The following ZNF814 variants were observed in gnomAD, a reference collection of about 807,000 sequenced individuals.
The protein encoded by ZNF814 is zinc finger protein 814.
A neutral mutation model predicts 7.5 loss-of-function variants in ZNF814; 5 were observed. The ratio of observed to expected loss-of-function variants is 0.67; its 90% CI spans 0.35 to 1.40. The LOEUF (loss-of-function observed/expected upper bound fraction) is 1.40, where lower values mean the gene tolerates loss of function less well. Ranked by LOEUF, ZNF814 falls within the 40% of genes most tolerant of loss-of-function variation. The pLI, the probability that ZNF814 is intolerant of heterozygous loss-of-function variation, is 0.04. For missense variants in ZNF814, 962 were observed against 1,018.0 expected (o/e 0.94, Z 0.75); for synonymous variants, 315 against 340.7 (o/e 0.92, Z 0.83).
upstream of ZNF814, among the ~76,000 whole-genome samples, chr19:57,890,347 G>T (rs2071728031): frequency 6.6e-6 from 1 of 152,024 alleles, no homozygotes; most frequent in African/African-American, 2.4e-5. Context: ...TTTTGTTGTT[G>T]TTGTTGTTTA....
chr19:57,873,213 C>A lies in ZNF814; in HGVS notation c.2177G>T (p.Arg726Ile), dbSNP rs770539340. 1 of 1,611,988 alleles carries A rather than the reference C, an allele frequency of 6.2e-7. No homozygotes were observed. Among genetic ancestry groups the A allele is most frequent in the South Asian group, 1.1e-5 (1 of 90,668 alleles). Residue 726 changes from arginine (R) to isoleucine (I), a missense_variant, in exon 3 of 3, where the codon AGA becomes ATA. Physicochemically the swap from Arg to Ile is moderately conservative, Grantham distance 97 (BLOSUM62 -3). This residue lies in a region of ZNF814 where 665 missense variants were observed against 551.4 expected (regional missense o/e 1.21). Transcript: ENST00000435989. ...YACEACQKFF[R>I]NKYQLIAHQR... ...ATGTGCAATGAGTTGGTACTTGTTT[C>A]TAAAAAATTTCTGACAAGCTTCACA...
Position 57,869,590 on chromosome 19 carries a change from C to G in ZNF814, c.*3232G>C, listed in dbSNP as rs2071538553. 4 of 152,152 alleles carry G rather than the reference C, an allele frequency of 2.6e-5. No individual in the cohort carries two copies. The highest frequency in any genetic ancestry group is 1.3e-4 in the Admixed American group (2 of 15,256). The allele number at this position is 152,152 out of a possible 1,614,324, so 9.4% of individuals were successfully genotyped here. A position where few individuals can be genotyped will look rare whatever the true frequency, so the allele number is the denominator to read the frequency against. ...ATTATATGAAACTCAAGATTTATCA[C>G]ATGCTACAGCTTAAATATGCATAGC... On this transcript the variant is annotated 3_prime_UTR_variant, in exon 3 of 3. Coordinates refer to ENST00000435989, the MANE Select transcript of ZNF814 (RefSeq NM_001144989.2).
rs2071568013 is a variant in ZNF814 at position 57,872,900 on chromosome 19, AC to A, written c.2489del (p.Cys830LeufsTer83). 2 of 1,610,676 alleles carry A rather than the reference AC, an allele frequency of 1.2e-6. No individual in the cohort carries two copies. The highest frequency in any genetic ancestry group is 1.7e-6 in the Non-Finnish European group (2 of 1,179,142). ...TGTTAAATAATTTCCCACATTTCTC[AC>A]ATTTATAAGGCTTTTCTCCAGTGTG... The part of the protein sequence containing the change: ...RVHTGEKPYK[C>X]EKCGKLFNKK... On this transcript the variant is annotated frameshift_variant, in exon 3 of 3. Transcript: ENST00000435989. LOFTEE classifies it low-confidence loss of function (END_TRUNC).
At chr19:57,890,196 G>A (rs1012080348), upstream of ZNF814, among the ~76,000 whole-genome samples, 1 of 152,146 alleles carries the variant, frequency 6.6e-6, no homozygotes, top group East Asian at 1.9e-4. Context: ...TTTTCCTACT[G>A]CCCAGATAAA....
upstream of ZNF814, among the ~76,000 whole-genome samples, chr19:57,889,905 T>G (rs2071725180): frequency 6.6e-6 from 1 of 152,124 alleles, no homozygotes. Context: ...AAATAAAAGA[T>G]TGCAGATCTT....
In ZNF814 at chr19:57,873,922, T is replaced by C; in HGVS notation, c.1468A>G (p.Arg490Gly). 1 of 1,614,032 alleles carries C rather than the reference T, an allele frequency of 6.2e-7. No homozygotes were observed. Among genetic ancestry groups the C allele is most frequent in the South Asian group, 1.1e-5 (1 of 91,062 alleles). The change falls in exon 3 of 3, where the codon AGA becomes GGA. Residue 490 changes from arginine to glycine, a missense_variant. Physicochemically the swap from Arg to Gly is moderately radical, Grantham distance 125. Transcript: ENST00000435989. ...CCACATTCTCCACACTGATAAGGTC[T>C]TTCTCCACTGTGAACTCGCTGATGG... Reference protein sequence around the residue: ...VHHQRVHSGERPYQCGECGKS... With the variant: ...VHHQRVHSGEGPYQCGECGKS...
chr19:57,904,443 G>A, the ZNF814 span, among the ~76,000 whole-genome samples: 1 of 152,084 alleles, frequency 6.6e-6, no homozygotes, highest in South Asian at 2.1e-4. Context: ...CAGTGACCAG[G>A]TGTTGGGTCT....
At chr19:57,897,906 T>C in the ZNF814 span, among the ~76,000 whole-genome samples, 1 of 152,228 alleles carries the variant, frequency 6.6e-6, no homozygotes, top group African/African-American at 2.4e-5. Flanking sequence ...CAGTTGTTGC[T>C]GTTACCTTAT....
intron 1 of ZNF814, chr19:57,885,959 G>C (rs1400250840): frequency 8.3e-6 from 1 of 119,846 alleles, no homozygotes; most frequent in Non-Finnish European, 1.6e-5. Context: ...CTGGATGACA[G>C]AGTGAGACTC....
chr19:57,883,177 TGAAACCCC>T (rs1293450671), intron 1 of ZNF814, among the ~76,000 whole-genome samples: 3 of 150,442 alleles, frequency 2.0e-5, no homozygotes, highest in African/African-American at 7.4e-5. Context: ...GCTAATGGGG[TGAAACCCC>T]ATCTGTACTA....
At position 57,874,174 on chromosome 19, in the gene ZNF814, T is replaced by A; in HGVS notation, c.1216A>T (p.Lys406Ter). The change falls in exon 3 of 3, where the codon AAA becomes TAA. Residue 406 changes from lysine to a stop codon, truncating the protein, a stop_gained. Transcript: ENST00000435989. LOFTEE classifies it low-confidence loss of function (END_TRUNC). ...CCACATTCTCCACATTCATAATGTT[T>A]TTTGTCAGTGTGAACTCTCTGATGA... is the stretch of plus-strand genomic sequence containing the variant. ...SNHQRVHTDKKHYECGECGKS... is the reference protein window; with the variant it reads ...SNHQRVHTDK The A allele has an allele frequency of 6.3e-7, 1 of 1,587,568 alleles. No individual in the cohort carries two copies.
At chr19:57,905,047 CAAA>C in the ZNF814 span, among the ~76,000 whole-genome samples, 2 of 53,428 alleles carry the variant, frequency 3.7e-5, no homozygotes, top group East Asian at 6.5e-4. Flanking sequence ...AACTCCGTCT[CAAA>C]AAAAAAAAAA....
At chr19:57,875,557 CA>C (rs1057279647) in intron 2 of ZNF814, among the ~76,000 whole-genome samples, 2 of 152,104 alleles carry the variant, frequency 1.3e-5, no homozygotes, top group Admixed American at 1.3e-4. Context: ...TTGTCCAGGC[CA>C]AGGAAAACAC....
the ZNF814 span, among the ~76,000 whole-genome samples, chr19:57,895,679 G>C: frequency 6.6e-6 from 1 of 151,990 alleles, no homozygotes; most frequent in African/African-American, 2.4e-5. Context: ...CTTTACCCAG[G>C]TGCCCCACCA....
upstream of ZNF814, among the ~76,000 whole-genome samples, chr19:57,891,557 A>G (rs971968102): frequency 1.5e-4 from 23 of 150,546 alleles, no homozygotes; most frequent in African/African-American, 5.6e-4. Context: ...ATAACCATAA[A>G]AATGGGCAGC....
At chr19:57,888,597 G>C (rs1160056274) in intron 1 of ZNF814, among the ~76,000 whole-genome samples, 170 bp downstream of exon 1, 9 of 152,076 alleles carry the variant, frequency 5.9e-5, no homozygotes, top group African/African-American at 2.2e-4. Context: ...CCCTGTACCT[G>C]CCGGTCTCCC....
chr19:57,876,678 G>A, intron 2 of ZNF814: 1 of 570,536 alleles, frequency 1.8e-6, no homozygotes. Flanking sequence ...GGACTAACAA[G>A]GTGGGCTTCT....
the ZNF814 span, among the ~76,000 whole-genome samples, chr19:57,901,380 G>A: frequency 6.6e-6 from 1 of 152,100 alleles, no homozygotes; most frequent in African/African-American, 2.4e-5. Flanking sequence ...ACACTTAACA[G>A]GACAAAAGGA....
the ZNF814 span, among the ~76,000 whole-genome samples, chr19:57,902,289 T>G: frequency 6.6e-6 from 1 of 152,240 alleles, no homozygotes; most frequent in East Asian, 1.9e-4. Flanking sequence ...CGTCATTGAC[T>G]GGTCCCCTAA....
Sources: allele counts gnomAD v4.1 joint callset (sites outside exome capture counted in the v4.1 genomes callset), GRCh38; gene constraint gnomAD v4.1.1; regional missense constraint gnomAD v4.1.1; transcripts MANE v1.5; gene names NCBI Gene and HGNC (gene_info 2026-07-23, HGNC 2026-07-21).